The following LRP1B variants were observed in gnomAD, a reference collection of about 807,000 sequenced individuals.
LRP1B encodes low-density lipoprotein receptor-related protein 1B.
In LRP1B, 217 loss-of-function variants were observed where a neutral mutation model predicts 556.6. The ratio of observed to expected loss-of-function variants is 0.39; its 90% CI spans 0.35 to 0.44. The LOEUF (loss-of-function observed/expected upper bound fraction) is 0.44, where lower values mean the gene tolerates loss of function less well. Ranked by LOEUF, LRP1B falls within the 20% of genes least tolerant of loss-of-function variation. The pLI, the probability that LRP1B is intolerant of heterozygous loss-of-function variation, is 1.00. For missense variants in LRP1B, 5,053 were observed against 5,620.8 expected (o/e 0.90, Z 3.23); for synonymous variants, 2,047 against 1,865.8 (o/e 1.10, Z -2.50).
At position 140,323,910 on chromosome 2, in the gene LRP1B, C is replaced by T. The variant is rs139908062; in HGVS notation, c.12497G>A (p.Arg4166His). The T allele has an allele frequency of 3.0e-4, 462 of 1,541,312 alleles. 2 individuals are homozygous for T. In the African/African-American group the frequency reaches 5.2e-3, roughly 17 times the overall value. Residue 4166 changes from arginine (R) to histidine (H), a missense_variant, in exon 81 of 91, where the codon CGT becomes CAT. Physicochemically the swap from Arg to His is conservative, Grantham distance 29 (BLOSUM62 0). This residue lies in a region of LRP1B where 551 missense variants were observed against 592.0 expected (regional missense o/e 0.93). Transcript: ENST00000389484. ...DKTKGVLISH[R>H]YKQLDLPNPC... is the part of the protein sequence containing the mutation. ...ATACTTACAATCTAGTTGTTTATAA[C>T]GATGAGATATCAAAACACCTTTTGT...
chr2:141,837,300 T>C (rs1697317919), intron 1 of LRP1B, among the ~76,000 whole-genome samples: 1 of 152,056 alleles, frequency 6.6e-6, no homozygotes, highest in Non-Finnish European at 1.5e-5. Flanking sequence ...TTCACAGTGA[T>C]GGCCTTTAAG....
chr2:141,833,745 A>G (rs1452717821), intron 1 of LRP1B, among the ~76,000 whole-genome samples: 1 of 139,880 alleles, frequency 7.1e-6, no homozygotes, highest in African/African-American at 3.3e-5. Flanking sequence ...TAGCCAACGG[A>G]AAAAAAAATA....
chr2:140,512,984 T>C (rs1689729318), intron 51 of LRP1B, among the ~76,000 whole-genome samples: 1 of 152,148 alleles, frequency 6.6e-6, no homozygotes, highest in African/African-American at 2.4e-5. Context: ...AAGCTCAGTA[T>C]TTTGATTGCA....
intron 1 of LRP1B, among the ~76,000 whole-genome samples, chr2:142,064,121 CA>C (rs1324074936): frequency 1.3e-5 from 2 of 151,476 alleles, no homozygotes; most frequent in Non-Finnish European, 3.0e-5. Flanking sequence ...AAATTTTGAA[CA>C]ATTTGATTCA....
chr2:140,800,655 A>C (rs1319347677), intron 32 of LRP1B, among the ~76,000 whole-genome samples: 1 of 152,190 alleles, frequency 6.6e-6, no homozygotes, highest in Non-Finnish European at 1.5e-5. Flanking sequence ...TTAAGAACCC[A>C]ATACTCTCTA....
At chr2:141,326,301 A>T (rs1474987509) in intron 3 of LRP1B, among the ~76,000 whole-genome samples, 3 of 152,116 alleles carry the variant, frequency 2.0e-5, no homozygotes, top group Non-Finnish European at 4.4e-5. Context: ...CGACAATAGG[A>T]AATGCTTCCA....
At chr2:141,306,946 C>T (rs2105441094) in intron 3 of LRP1B, among the ~76,000 whole-genome samples, 1 of 152,116 alleles carries the variant, frequency 6.6e-6, no homozygotes, top group Admixed American at 6.5e-5. Flanking sequence ...TCTAGTTTTA[C>T]TCCATTTTGG....
intron 41 of LRP1B, among the ~76,000 whole-genome samples, chr2:140,668,170 G>C (rs1273458843): frequency 2.0e-5 from 3 of 151,802 alleles, no homozygotes; most frequent in East Asian, 1.9e-4. Flanking sequence ...AATTAGCCGG[G>C]TGTGGCGGCG....
At chr2:140,316,459 C>T (rs369914503) in intron 82 of LRP1B, among the ~76,000 whole-genome samples, 26 of 152,210 alleles carry the variant, frequency 1.7e-4, no homozygotes, top group Admixed American at 1.1e-3. Context: ...AATTCTGAGA[C>T]TTGCCTCATT....
intron 24 of LRP1B, among the ~76,000 whole-genome samples, chr2:140,884,453 TA>T (rs1693572710): frequency 6.6e-6 from 1 of 152,184 alleles, no homozygotes; most frequent in Non-Finnish European, 1.5e-5. Context: ...CCACCAGAGC[TA>T]AGATGCATTC....
Position 141,233,583 on chromosome 2 carries a change from C to T in LRP1B, c.593-4143G>A, listed in dbSNP as rs115442978. ...AATACCTATTTAAATTCAAAGCCAC[C>T]ATAACTGTGTCCTTGCAAGCCTATC... On this transcript the variant is annotated intron_variant, in intron 5 of 90. Transcript: ENST00000389484. Among the ~76,000 whole-genome samples, 1,011 of 152,110 alleles carry T rather than the reference C, an allele frequency of 6.6e-3. 12 individuals are homozygous for T. The highest frequency in any genetic ancestry group is 0.023 in the African/African-American group (936 of 41,502).
chr2:142,110,790 A>G (rs1384847404), intron 1 of LRP1B, among the ~76,000 whole-genome samples: 5 of 152,132 alleles, frequency 3.3e-5, no homozygotes, highest in Admixed American at 1.3e-4. Context: ...AGTTCATCTT[A>G]TATTTACTGT....
At chr2:140,554,854 ATGTG>A (rs1553485749) in intron 43 of LRP1B, among the ~76,000 whole-genome samples, 292 of 146,078 alleles carry the variant, frequency 2.0e-3, no homozygotes, top group Non-Finnish European at 2.1e-3. Flanking sequence ...AAGTGTGTGT[ATGTG>A]TGTGTGTGTG....
chr2:140,622,346 T>C (rs1683487414), intron 41 of LRP1B, among the ~76,000 whole-genome samples: 1 of 152,216 alleles, frequency 6.6e-6, no homozygotes, highest in Non-Finnish European at 1.5e-5. Context: ...ATTGTTTTAG[T>C]AGTATTTCTC....
intron 35 of LRP1B, among the ~76,000 whole-genome samples, chr2:140,763,935 C>T (rs1419956167): frequency 2.0e-5 from 3 of 151,982 alleles, no homozygotes; most frequent in African/African-American, 7.3e-5. Flanking sequence ...TTCACTGTCA[C>T]AAGAACAAGA....
intron 3 of LRP1B, among the ~76,000 whole-genome samples, chr2:141,265,038 C>T (rs1684835566): frequency 6.6e-6 from 1 of 152,162 alleles, no homozygotes; most frequent in Non-Finnish European, 1.5e-5. Context: ...CCTGCTAATG[C>T]ACCTCCATCG....
chr2:140,942,183 G>T (rs903320903), intron 20 of LRP1B, among the ~76,000 whole-genome samples: 1 of 152,000 alleles, frequency 6.6e-6, no homozygotes, highest in Admixed American at 6.6e-5. Flanking sequence ...CCAAGAAGAG[G>T]AAAGAATTTC....
chr2:141,844,715 A>G (rs1697586031), intron 1 of LRP1B, among the ~76,000 whole-genome samples: 1 of 152,078 alleles, frequency 6.6e-6, no homozygotes, highest in Admixed American at 6.6e-5. Context: ...ATCAGTTCAG[A>G]TATCATAGGA....
chr2:141,736,566 G>T (rs1693474520), intron 2 of LRP1B, among the ~76,000 whole-genome samples: 1 of 152,056 alleles, frequency 6.6e-6, no homozygotes, highest in South Asian at 2.1e-4. Flanking sequence ...AGGTGTGCTT[G>T]GGGCTACCAG....
Sources: gnomAD v4.1 joint callset for allele counts (sites outside exome capture counted in the v4.1 genomes callset) on GRCh38, gnomAD v4.1.1 for gene constraint, gnomAD v4.1.1 regional missense constraint, MANE v1.5 for transcripts, NCBI Gene and HGNC (gene_info 2026-07-23, HGNC 2026-07-21) for gene names.